Variants in GPC3 observed in about 807,000 individuals in gnomAD.
The protein encoded by GPC3 is glypican 3.
GPC3 carries 3 observed loss-of-function variants against 34.4 expected under a neutral mutation model. That is an observed-to-expected ratio of 0.09 (90% CI 0.04 to 0.23). The LOEUF (loss-of-function observed/expected upper bound fraction) is 0.23. Among genes scored for constraint, GPC3 ranks in the 10% least tolerant of loss-of-function variants. The probability of loss-of-function intolerance (pLI) is 1.00; values close to 1 mark genes in which losing one functional copy is unlikely to be tolerated. For synonymous variants in GPC3, 177 were observed against 174.0 expected, an observed-to-expected ratio of 1.02 and a Z score of -0.13; for missense variants, 351 against 445.6, an observed-to-expected ratio of 0.79 and a Z score of 1.91.
At chrX:133,679,369 T>C (rs2070917024) in intron 5 of GPC3, among the ~76,000 whole-genome samples, 1 of 111,581 alleles carries the variant, frequency 9.0e-6, no homozygotes, top group African/African-American at 3.3e-5. Context: ...AAACATCTCA[T>C]ATGCGTTTTC....
chrX:133,829,929 T>G (rs1288730708), intron 2 of GPC3, among the ~76,000 whole-genome samples: 6 of 112,114 alleles, frequency 5.4e-5, no homozygotes, highest in African/African-American at 1.9e-4. Flanking sequence ...AAAGATGTAA[T>G]CTTCCCAAAT....
At chrX:133,680,651 T>A (rs1024831587) in intron 5 of GPC3, among the ~76,000 whole-genome samples, 1 of 112,470 alleles carries the variant, frequency 8.9e-6, no homozygotes, top group African/African-American at 3.2e-5. Flanking sequence ...CTGATTTTAA[T>A]GATCTTTCTC....
At chrX:133,935,492 C>T (rs988185444) in intron 2 of GPC3, among the ~76,000 whole-genome samples, 5 of 110,776 alleles carry the variant, frequency 4.5e-5, no homozygotes, top group African/African-American at 1.3e-4. Context: ...CACTGCCAGC[C>T]GCCCACTCCC....
chrX:133,837,263 A>C (rs1392332760), intron 2 of GPC3, among the ~76,000 whole-genome samples: 1 of 111,253 alleles, frequency 9.0e-6, no homozygotes, highest in African/African-American at 3.3e-5. Flanking sequence ...GTGAGTAATA[A>C]ACTGTTCTTC....
intron 3 of GPC3, among the ~76,000 whole-genome samples, chrX:133,743,351 A>C (rs764197565): frequency 8.8e-6 from 1 of 113,051 alleles, no homozygotes; most frequent in Admixed American, 9.4e-5. Flanking sequence ...CAACTTCATT[A>C]AAAAATGCTT....
intron 2 of GPC3, among the ~76,000 whole-genome samples, chrX:133,857,959 A>G (rs764235102): frequency 1.8e-5 from 2 of 112,231 alleles, no homozygotes; most frequent in African/African-American, 6.5e-5. Context: ...AGAGTGGGTT[A>G]GCAGAGCTGG....
At chrX:133,940,177 T>C (rs1445569066) in intron 2 of GPC3, among the ~76,000 whole-genome samples, 7 of 111,575 alleles carry the variant, frequency 6.3e-5, no homozygotes, top group Non-Finnish European at 1.9e-5. Flanking sequence ...CAGAGAATTG[T>C]TTCATATCAA....
In GPC3 at chrX:133,693,196, TGTGTGA is replaced by T. The variant is rs1291263070; in HGVS notation, c.1167-708_1167-703del. ...GTGTGTGTGTGTGTGTGTGTGTGTG[TGTGTGA>T]GACAGAGAGAGAGAGAAAGAGAGAG... On this transcript the variant is annotated intron_variant, in intron 4 of 7. Coordinates refer to ENST00000370818, the MANE Select transcript of GPC3 (RefSeq NM_004484.4). Among the ~76,000 whole-genome samples the T allele has an allele frequency of 1.5e-3, 147 of 95,824 alleles. 2 individuals are homozygous for T. Among genetic ancestry groups the T allele is most frequent in the African/African-American group, 6.4e-3 (135 of 21,030 alleles). 83.2% of individuals were successfully genotyped at this position (95,824 alleles called of 115,157 possible). A position where few individuals can be genotyped will look rare whatever the true frequency, so the allele number is the denominator to read the frequency against.
chrX:133,883,633 A>T (rs1986752498), intron 2 of GPC3, among the ~76,000 whole-genome samples: 1 of 111,853 alleles, frequency 8.9e-6, no homozygotes, highest in African/African-American at 3.2e-5. Flanking sequence ...ATTGGGGTAG[A>T]AATTAAAAGC....
At chrX:133,829,791 G>T (rs2124542684) in intron 2 of GPC3, among the ~76,000 whole-genome samples, 1 of 111,704 alleles carries the variant, frequency 9.0e-6, no homozygotes, top group African/African-American at 3.2e-5. Flanking sequence ...AGAGCAAAAA[G>T]AATTATCAGG....
intron 6 of GPC3, among the ~76,000 whole-genome samples, chrX:133,641,111 T>C (rs776421183): frequency 7.3e-5 from 8 of 109,994 alleles, no homozygotes; most frequent in Non-Finnish European, 1.1e-4. Flanking sequence ...CTCCATTGAA[T>C]AGGTGTAGTA....
At chrX:133,630,828 G>A (rs781154946) in intron 6 of GPC3, among the ~76,000 whole-genome samples, 9 of 111,998 alleles carry the variant, frequency 8.0e-5, no homozygotes, top group Admixed American at 9.5e-5. Context: ...ATGTCTCTTA[G>A]AGAGGTAAGA....
chrX:133,868,471 G>T (rs1393640443), intron 2 of GPC3, among the ~76,000 whole-genome samples: 1 of 112,361 alleles, frequency 8.9e-6, no homozygotes, highest in Non-Finnish European at 1.9e-5. Flanking sequence ...TATGGGCAAG[G>T]CACTGGAACA....
intron 2 of GPC3, among the ~76,000 whole-genome samples, chrX:133,832,438 C>CCATG (rs1431362613): frequency 9.3e-6 from 1 of 108,067 alleles, no homozygotes; most frequent in Admixed American, 1.0e-4. Flanking sequence ...GACACTCTAC[C>CCATG]CATGAATGAA....
At chrX:133,651,136 C>T (rs190396839) in intron 6 of GPC3, among the ~76,000 whole-genome samples, 15 of 111,547 alleles carry the variant, frequency 1.3e-4, no homozygotes, top group Non-Finnish European at 2.4e-4. Context: ...AATCCCAAAA[C>T]AGTCCTTTTT....
intron 6 of GPC3, among the ~76,000 whole-genome samples, chrX:133,656,156 T>C (rs1314699009): frequency 1.8e-5 from 2 of 112,481 alleles, no homozygotes; most frequent in African/African-American, 6.5e-5. Context: ...TGGTTAGTTT[T>C]CCAAGAATCT....
In GPC3 at chrX:133,731,234, C is replaced by A. The variant is rs775336765; in HGVS notation, c.1032+22248G>T. 4.4e-5 allele frequency among the ~76,000 whole-genome samples: 5 copies of A among 112,631 alleles called. No homozygotes were observed. In the South Asian group the frequency reaches 1.8e-3, roughly 41 times the overall value. On this transcript the variant is annotated intron_variant, in intron 3 of 7. Transcript: ENST00000370818. ...CCATGGCACCTCTAACAGAGAAGAACCCTGGTTTATATAAATGCCATGGGG... is the reference window on the plus strand; with the variant it reads ...CCATGGCACCTCTAACAGAGAAGAAACCTGGTTTATATAAATGCCATGGGG...
At position 133,946,657 on chromosome X, in the gene GPC3, C is replaced by G. The variant is rs1361332695; in HGVS notation, c.337+6393G>C. 2.7e-5 allele frequency among the ~76,000 whole-genome samples: 3 copies of G among 110,811 alleles called. No individual in the cohort carries two copies. In the East Asian group the frequency reaches 8.5e-4, roughly 32 times the overall value. On this transcript the variant is annotated intron_variant, in intron 2 of 7. Coordinates refer to ENST00000370818, the MANE Select transcript of GPC3 (RefSeq NM_004484.4). ...TTGCTGAACTGGGAAGCAAGGGAGGCTAAAGGCATGAAACCCAGGGGTGCA... is the reference window on the plus strand; with the variant it reads ...TTGCTGAACTGGGAAGCAAGGGAGGGTAAAGGCATGAAACCCAGGGGTGCA...
chrX:133,790,360 G>C (rs1267168042), intron 2 of GPC3, among the ~76,000 whole-genome samples: 1 of 86,758 alleles, frequency 1.2e-5, no homozygotes, highest in Non-Finnish European at 2.1e-5. Context: ...CATTTCCTCT[G>C]GAGATTGATG....
Sources: gnomAD v4.1 joint callset for allele counts (sites outside exome capture counted in the v4.1 genomes callset) on GRCh38, gnomAD v4.1.1 for gene constraint, MANE v1.5 for transcripts, NCBI Gene and HGNC (gene_info 2026-07-23, HGNC 2026-07-21) for gene names.